NRG3: variants seen among roughly 807,000 people sequenced by gnomAD.
NRG3 encodes the protein pro-neuregulin-3, membrane-bound isoform.
NRG3 carries 31 observed loss-of-function variants against 66.9 expected under a neutral mutation model. That is an observed-to-expected ratio of 0.46 (90% CI 0.35 to 0.63). NRG3 has a LOEUF of 0.63. NRG3 is among the 20% of genes least tolerant of loss of function. NRG3 has a pLI of 0.00. For missense variants in NRG3, 910 were observed against 878.9 expected (o/e 1.04, Z -0.45); for synonymous variants, 393 against 359.4 (o/e 1.09, Z -1.06).
chr10:82,620,457 CCTCTCCGGCTGGCT>C, intron 2 of NRG3, among the ~76,000 whole-genome samples: 1 of 151,956 alleles, frequency 6.6e-6, no homozygotes, highest in Non-Finnish European at 1.5e-5. Context: ...GAAGTCTGGC[CCTCTCCGGCTGGCT>C]CTTCCCCAAA....
At chr10:82,279,428 CAT>C (rs2079021002) in intron 1 of NRG3, among the ~76,000 whole-genome samples, 1 of 152,138 alleles carries the variant, frequency 6.6e-6, no homozygotes, top group Admixed American at 6.6e-5. Flanking sequence ...CCAAAATCCA[CAT>C]AGACAATAAA....
Position 82,345,405 on chromosome 10 carries a change from T to C in NRG3, c.824-13334T>C, listed in dbSNP as rs548036710. ...GTGACATTATTTCTGAGGGCTCTGT[T>C]CTGTTCCATTGATCTATATCTCTGT... On this transcript the variant is annotated intron_variant, in intron 1 of 8. Coordinates refer to ENST00000372141, the MANE Select transcript of NRG3 (RefSeq NM_001010848.4). 2.0e-4 allele frequency among the ~76,000 whole-genome samples: 30 copies of C among 152,002 alleles called. No homozygotes were observed. In the East Asian group the frequency reaches 5.8e-3, roughly 29 times the overall value.
chr10:82,572,093 A>G (rs1242943067), intron 2 of NRG3, among the ~76,000 whole-genome samples: 1 of 151,764 alleles, frequency 6.6e-6, no homozygotes, highest in Admixed American at 6.6e-5. Flanking sequence ...ATGCTTCACA[A>G]AAAATTTCTA....
intron 2 of NRG3, among the ~76,000 whole-genome samples, chr10:82,475,340 A>C (rs542891157): frequency 2.3e-3 from 352 of 152,258 alleles, no homozygotes; most frequent in African/African-American, 8.3e-3. Context: ...TAACCAACAA[A>C]TTGGATAATC....
intron 2 of NRG3, among the ~76,000 whole-genome samples, chr10:82,708,034 T>C (rs1386343614): frequency 6.6e-6 from 1 of 151,856 alleles, no homozygotes; most frequent in African/African-American, 2.4e-5. Context: ...ATTTAAAAAA[T>C]AAATAAATAC....
chr10:82,905,316 C>T (rs1844624655), intron 4 of NRG3, among the ~76,000 whole-genome samples: 1 of 152,104 alleles, frequency 6.6e-6, no homozygotes, highest in Admixed American at 6.5e-5. Context: ...TCCAGTCCTC[C>T]ATTCCATTTC....
At chr10:82,832,701 G>A (rs1227817981) in intron 3 of NRG3, among the ~76,000 whole-genome samples, 1 of 151,996 alleles carries the variant, frequency 6.6e-6, no homozygotes, top group Admixed American at 6.6e-5. Context: ...ATATTATTCT[G>A]CCAAGATAAA....
chr10:82,088,778 A>G (rs1590064696), intron 1 of NRG3, among the ~76,000 whole-genome samples: 1 of 152,112 alleles, frequency 6.6e-6, no homozygotes, highest in East Asian at 1.9e-4. Flanking sequence ...CAATACAGTT[A>G]TTCAATTTCT....
chr10:81,948,530 A>T (rs2133165356), intron 1 of NRG3, among the ~76,000 whole-genome samples: 1 of 152,316 alleles, frequency 6.6e-6, no homozygotes, highest in South Asian at 2.1e-4. Flanking sequence ...GTCTGCGTTT[A>T]GCCCTTTCTG....
At chr10:82,787,066 C>T (rs975308685) in intron 3 of NRG3, among the ~76,000 whole-genome samples, 1 of 152,204 alleles carries the variant, frequency 6.6e-6, no homozygotes, top group Non-Finnish European at 1.5e-5. Flanking sequence ...ACAAAACAGA[C>T]TAGACATGCA....
At chr10:82,205,432 C>T (rs920752994) in intron 1 of NRG3, among the ~76,000 whole-genome samples, 3 of 152,076 alleles carry the variant, frequency 2.0e-5, no homozygotes, top group African/African-American at 4.8e-5. Flanking sequence ...CAGACAGACT[C>T]CAGATTACGT....
At chr10:82,635,543 C>T (rs17100360) in intron 2 of NRG3, among the ~76,000 whole-genome samples, 16,040 of 151,950 alleles carry the variant, frequency 0.11, 1,037 homozygotes, top group Middle Eastern at 0.26. Flanking sequence ...GAGGGGAAAA[C>T]GCCCCTTCTT....
At chr10:82,792,887 G>C (rs528170329) in intron 3 of NRG3, among the ~76,000 whole-genome samples, 1 of 152,052 alleles carries the variant, frequency 6.6e-6, no homozygotes, top group Admixed American at 6.5e-5. Flanking sequence ...TCTCCATGTT[G>C]TTTAGGCTGG....
intron 1 of NRG3, among the ~76,000 whole-genome samples, chr10:81,910,708 C>T (rs186176569): frequency 9.2e-5 from 14 of 152,158 alleles, no homozygotes; most frequent in African/African-American, 2.7e-4. Context: ...AGTGCAGTGG[C>T]GCGATCATAG....
intron 1 of NRG3, among the ~76,000 whole-genome samples, chr10:82,301,951 C>G (rs1231474275): frequency 6.6e-6 from 1 of 151,752 alleles, no homozygotes; most frequent in Non-Finnish European, 1.5e-5. Flanking sequence ...AGTTAATAGA[C>G]TACCTTTTGA....
At chr10:82,014,038 G>A (rs1281773587) in intron 1 of NRG3, among the ~76,000 whole-genome samples, 4 of 152,138 alleles carry the variant, frequency 2.6e-5, no homozygotes, top group African/African-American at 9.7e-5. Flanking sequence ...GATAGTACAT[G>A]CTTTTCAGGA....
chr10:82,034,755 C>T lies in NRG3; in HGVS notation c.823+158592C>T, dbSNP rs1352519108. On this transcript the variant is annotated intron_variant, in intron 1 of 8. Coordinates refer to ENST00000372141, the MANE Select transcript of NRG3 (RefSeq NM_001010848.4). ...TTCATGGTTGAGCTTAAAACCCACC[C>T]GTTCCTGCCTTGTTGATTGGTTTTT... is the stretch of plus-strand genomic sequence containing the variant. 3.3e-5 allele frequency among the ~76,000 whole-genome samples: 5 copies of T among 152,116 alleles called. No individual in the cohort carries two copies. The South Asian group carries it at 6.2e-4, about 19-fold the overall frequency.
At chr10:81,914,309 C>A (rs1379138104) in intron 1 of NRG3, among the ~76,000 whole-genome samples, 2 of 152,108 alleles carry the variant, frequency 1.3e-5, no homozygotes, top group Non-Finnish European at 2.9e-5. Context: ...AAGGACCATG[C>A]CCACGTATTC....
At chr10:82,767,984 G>A (rs1168597681) in intron 3 of NRG3, among the ~76,000 whole-genome samples, 1 of 151,888 alleles carries the variant, frequency 6.6e-6, no homozygotes, top group East Asian at 1.9e-4. Flanking sequence ...CCTTGGAGCA[G>A]GCCTTCATTT....
Sources: gnomAD v4.1 joint callset for allele counts (sites outside exome capture counted in the v4.1 genomes callset) on GRCh38, gnomAD v4.1.1 for gene constraint, MANE v1.5 for transcripts, NCBI Gene and HGNC (gene_info 2026-07-23, HGNC 2026-07-21) for gene names.